The following BNC2 variants were observed in gnomAD, a reference collection of about 807,000 sequenced individuals.
The protein encoded by BNC2 is zinc finger protein basonuclin-2.
Under a neutral mutation model 76.3 loss-of-function variants are expected in BNC2, and 20 were observed. That is an observed-to-expected ratio of 0.26 (90% CI 0.18 to 0.38). The LOEUF is 0.38. BNC2 is among the 10% of genes least tolerant of loss of function. The probability of loss-of-function intolerance (pLI) is 1.00; values close to 1 mark genes in which losing one functional copy is unlikely to be tolerated. For synonymous variants in BNC2, 582 were observed against 514.8 expected (o/e 1.13, Z -1.77); for missense variants, 1,382 against 1,399.8 (o/e 0.99, Z 0.20).
Position 16,420,446 on chromosome 9 carries a change from A to G in BNC2, c.2640-797T>C, listed in dbSNP as rs949310560. Among the ~76,000 whole-genome samples the G allele has an allele frequency of 5.3e-5, 8 of 151,032 alleles. No individual in the cohort carries two copies. The East Asian group carries it at 1.6e-3, about 30-fold the overall frequency. ...ATTTAATTCTTTAAGACAAAAACGGAAAAACAGAAACTTTTTAAAAAAATA... is the reference window on the plus strand; with the variant it reads ...ATTTAATTCTTTAAGACAAAAACGGGAAAACAGAAACTTTTTAAAAAAATA... On this transcript the variant is annotated intron_variant, in intron 6 of 6. Coordinates refer to ENST00000380672, the MANE Select transcript of BNC2 (RefSeq NM_017637.6).
At position 16,418,715 on chromosome 9, in the gene BNC2, T is replaced by G; in HGVS notation, c.*274A>C. 2.3e-6 allele frequency: 1 copy of G among 437,786 alleles called. No individual in the cohort carries two copies. The highest frequency in any genetic ancestry group is 5.1e-5 in the East Asian group (1 of 19,692). 27.1% of individuals were successfully genotyped at this position (437,786 alleles called of 1,614,324 possible). A position where few individuals can be genotyped will look rare whatever the true frequency, so the allele number is the denominator to read the frequency against. On this transcript the variant is annotated 3_prime_UTR_variant, in exon 7 of 7. Coordinates refer to ENST00000380672, the MANE Select transcript of BNC2 (RefSeq NM_017637.6). ...GTATGTGCATGTGTGTGTGTGTGTG[T>G]TTAAAGGGGTACTCTGTTTTCACCC...
chr9:16,642,018 A>G (rs941836985), intron 3 of BNC2, among the ~76,000 whole-genome samples: 25 of 152,194 alleles, frequency 1.6e-4, no homozygotes, highest in African/African-American at 5.3e-4. Context: ...TAAACACCCA[A>G]TGCAGCAAGT....
chr9:16,753,677 T>G (rs1470842382), intron 1 of BNC2, among the ~76,000 whole-genome samples: 1 of 152,160 alleles, frequency 6.6e-6, no homozygotes, highest in Non-Finnish European at 1.5e-5. Flanking sequence ...AATAAAAGCA[T>G]ATTCCAGGTA....
chr9:16,506,760 T>G (rs1822638138), intron 5 of BNC2, among the ~76,000 whole-genome samples: 1 of 151,112 alleles, frequency 6.6e-6, no homozygotes, highest in East Asian at 1.9e-4. Context: ...TTTTTTTTGT[T>G]TGTTTGTTTG....
intron 5 of BNC2, among the ~76,000 whole-genome samples, chr9:16,459,159 G>T (rs1821519312): frequency 6.6e-6 from 1 of 152,142 alleles, no homozygotes; most frequent in Non-Finnish European, 1.5e-5. Flanking sequence ...TCTCCCTTAG[G>T]ATGAGTCAGA....
At chr9:16,478,980 G>A (rs1036838718) in intron 5 of BNC2, among the ~76,000 whole-genome samples, 86 of 152,272 alleles carry the variant, frequency 5.6e-4, no homozygotes, top group African/African-American at 2.0e-3. Flanking sequence ...GGCTGGGCAC[G>A]GTGGCTCACG....
chr9:16,560,592 T>C (rs970934975), intron 4 of BNC2, among the ~76,000 whole-genome samples: 4 of 151,832 alleles, frequency 2.6e-5, no homozygotes, highest in Admixed American at 2.0e-4. Context: ...ACAAGTGTGG[T>C]AGAGCAAGCC....
At chr9:16,828,243 G>T (rs1228967955) in intron 1 of BNC2, among the ~76,000 whole-genome samples, 1 of 151,928 alleles carries the variant, frequency 6.6e-6, no homozygotes, top group African/African-American at 2.4e-5. Flanking sequence ...AAAATCACAG[G>T]TTCAAATAAA....
chr9:16,609,270 T>C (rs1820472260), intron 3 of BNC2, among the ~76,000 whole-genome samples: 1 of 152,112 alleles, frequency 6.6e-6, no homozygotes, highest in Non-Finnish European at 1.5e-5. Context: ...ATACATAGTA[T>C]AAAACCCACA....
intron 5 of BNC2, among the ~76,000 whole-genome samples, chr9:16,536,069 T>C (rs1347109958): frequency 6.6e-6 from 1 of 152,122 alleles, no homozygotes; most frequent in Non-Finnish European, 1.5e-5. Context: ...TATGCCCAGC[T>C]GACCCACAGA....
At chr9:16,810,372 G>C (rs1045638191) in intron 1 of BNC2, among the ~76,000 whole-genome samples, 3 of 152,216 alleles carry the variant, frequency 2.0e-5, no homozygotes, top group African/African-American at 7.2e-5. Flanking sequence ...AAACCAAGGA[G>C]TCGTGAAAAG....
intron 5 of BNC2, among the ~76,000 whole-genome samples, chr9:16,491,139 G>A (rs955488218): frequency 1.3e-5 from 2 of 152,088 alleles, no homozygotes; most frequent in African/African-American, 4.8e-5. Context: ...TGTTAAGCAA[G>A]GCACCGAGAG....
intron 5 of BNC2, among the ~76,000 whole-genome samples, chr9:16,463,971 C>A (rs530868866): frequency 1.6e-4 from 25 of 151,654 alleles, no homozygotes; most frequent in African/African-American, 6.0e-4. Flanking sequence ...TGGTGCACAC[C>A]TGTAATCCCA....
chr9:16,514,601 T>C (rs1822835725), intron 5 of BNC2, among the ~76,000 whole-genome samples: 1 of 152,196 alleles, frequency 6.6e-6, no homozygotes. Flanking sequence ...TCCTCTCTTA[T>C]TTATCTTTCA....
chr9:16,785,340 C>T (rs949070742), intron 1 of BNC2, among the ~76,000 whole-genome samples: 3 of 152,060 alleles, frequency 2.0e-5, no homozygotes, highest in Non-Finnish European at 4.4e-5. Flanking sequence ...ACTGAGGCCA[C>T]GGGGAAAGTA....
chr9:16,737,106 C>T (rs1824695499), intron 2 of BNC2, among the ~76,000 whole-genome samples: 1 of 150,536 alleles, frequency 6.6e-6, no homozygotes, highest in Non-Finnish European at 1.5e-5. Flanking sequence ...ATGCCCAGCT[C>T]GGCCTATTAT....
chr9:16,440,891 T>C (rs542942185), intron 5 of BNC2, among the ~76,000 whole-genome samples: 11 of 152,280 alleles, frequency 7.2e-5, no homozygotes, highest in African/African-American at 2.6e-4. Context: ...TTATTTATAG[T>C]GGTAATAGAA....
At chr9:16,746,160 C>T (rs191795833) in intron 1 of BNC2, among the ~76,000 whole-genome samples, 1 of 152,158 alleles carries the variant, frequency 6.6e-6, no homozygotes, top group East Asian at 1.9e-4. Flanking sequence ...ATGTTTACAC[C>T]GGAGCTCAAA....
Position 16,715,440 on chromosome 9 carries a change from A to T in BNC2, c.330+12357T>A, listed in dbSNP as rs1490072719. Among the ~76,000 whole-genome samples the T allele has an allele frequency of 2.0e-5, 3 of 152,338 alleles. No individual in the cohort carries two copies. The East Asian group carries it at 5.8e-4, about 29-fold the overall frequency. On this transcript the variant is annotated intron_variant, in intron 3 of 6. Coordinates refer to ENST00000380672, the MANE Select transcript of BNC2 (RefSeq NM_017637.6). ...CAAGATGAATGATCACATGCAATGAAACTATTATCTTCATCCATTAAAATA... is the reference window on the plus strand; with the variant it reads ...CAAGATGAATGATCACATGCAATGATACTATTATCTTCATCCATTAAAATA...
Sources: allele counts gnomAD v4.1 joint callset (sites outside exome capture counted in the v4.1 genomes callset), GRCh38; gene constraint gnomAD v4.1.1; transcripts MANE v1.5; gene names NCBI Gene and HGNC (gene_info 2026-07-23, HGNC 2026-07-21).